ANKRD13D: variants seen among roughly 807,000 people sequenced by gnomAD.
ANKRD13D encodes the protein ankyrin repeat domain 13D.
In ANKRD13D, 24 loss-of-function variants were observed where a neutral mutation model predicts 68.8. The observed-to-expected ratio is 0.35, with a 90% CI of 0.25 to 0.49. The LOEUF (loss-of-function observed/expected upper bound fraction) is 0.49, where lower values mean the gene tolerates loss of function less well. ANKRD13D is among the 20% of genes least tolerant of loss of function. The pLI is 0.99. For synonymous variants in ANKRD13D, 331 were observed against 336.1 expected (o/e 0.98, Z 0.16); for missense variants, 735 against 832.1 (o/e 0.88, Z 1.44).
rs373538821 is a variant in ANKRD13D, at chr11:67,301,720, T to C, written c.1513-12T>C. On this transcript the variant is annotated splice_polypyrimidine_tract_variant and intron_variant, in intron 13 of 14. Coordinates refer to ENST00000511455, the MANE Select transcript of ANKRD13D (RefSeq NM_207354.3). The surrounding 1 kb of genome is among the most constrained non-coding windows in gnomAD (Gnocchi z 4.5). ...CGGCAGAAGTGACAGCTGTGGGCTC[T>C]GGTGGCTGCAGGTGACCGTCTGGGA... 13 of 1,611,428 alleles carry C rather than the reference T, an allele frequency of 8.1e-6. No homozygotes were observed. In the African/African-American group the frequency reaches 1.5e-4, roughly 18 times the overall value.
intron 6 of ANKRD13D, among the ~76,000 whole-genome samples, chr11:67,294,657 C>T (rs1317127618): frequency 1.3e-5 from 2 of 151,862 alleles, no homozygotes; most frequent in African/African-American, 4.8e-5. Context: ...TCTCCTGCCT[C>T]AGCCTCCCAA....
chr11:67,289,384 C>T lies in ANKRD13D; in HGVS notation c.-77C>T, dbSNP rs2136515317. On this transcript the variant is annotated 5_prime_UTR_variant, in exon 1 of 15. Transcript: ENST00000511455. Reference sequence around the variant, plus strand: ...GGCCGCGGGGGGCGCAGCTGGGGCGCGGCTCGGAGGGGAGGCTAGGGGGCC... The same window carrying T: ...GGCCGCGGGGGGCGCAGCTGGGGCGTGGCTCGGAGGGGAGGCTAGGGGGCC... The T allele has an allele frequency of 9.1e-7, 1 of 1,093,186 alleles. No homozygotes were observed. Among genetic ancestry groups the T allele is most frequent in the Non-Finnish European group, 1.1e-6 (1 of 872,028 alleles). The allele number at this position is 1,093,186 out of a possible 1,614,324, so 67.7% of individuals were successfully genotyped here. A position where few individuals can be genotyped will look rare whatever the true frequency, so the allele number is the denominator to read the frequency against.
intron 6 of ANKRD13D, 126 bp downstream of exon 6, chr11:67,292,306 CAG>C: frequency 1.7e-6 from 2 of 1,149,340 alleles, no homozygotes; most frequent in Non-Finnish European, 2.3e-6. Context: ...AGGGGCTGCT[CAG>C]GGGCAGGTGG....
chr11:67,296,425 T>C (rs1378845519), intron 6 of ANKRD13D, among the ~76,000 whole-genome samples: 2 of 152,114 alleles, frequency 1.3e-5, no homozygotes, highest in Non-Finnish European at 2.9e-5. Flanking sequence ...TTGTTATCCA[T>C]CTATTCAGAT....
chr11:67,300,654 G>GACC lies in ANKRD13D; in HGVS notation c.1074-335_1074-334insCCA. ...TGGACATAAAAGTTTGGCAACACGT[G>GACC]AGCTGGTGACCAGCTCTGGGCTGAG... On this transcript the variant is annotated intron_variant, in intron 10 of 14. Transcript: ENST00000511455. The surrounding 1 kb of genome is among the most constrained non-coding windows in gnomAD (Gnocchi z 4.3). 2.1e-6 allele frequency: 1 copy of GACC among 466,386 alleles called. No individual in the cohort carries two copies. The highest frequency in any genetic ancestry group is 3.8e-6 in the Non-Finnish European group (1 of 265,340). The allele number at this position is 466,386 out of a possible 1,614,324, so 28.9% of individuals were successfully genotyped here. A position where few individuals can be genotyped will look rare whatever the true frequency, so the allele number is the denominator to read the frequency against.
intron 1 of ANKRD13D, 71 bp downstream of exon 1, chr11:67,289,621 G>GCACCCCCCCCCC: frequency 1.2e-6 from 1 of 807,414 alleles, no homozygotes; most frequent in South Asian, 2.0e-5. Flanking sequence ...CCGTCCTGGA[G>GCACCCCCCCCCC]CCCCCCCCCC....
rs746722680 is a variant in ANKRD13D at position 67,300,128 on chromosome 11, G to A, written c.1073+5G>A. The A allele has an allele frequency of 2.5e-6, 4 of 1,613,810 alleles. No individual in the cohort carries two copies. In the South Asian group the frequency reaches 3.3e-5, roughly 13 times the overall value. On this transcript the variant is annotated splice_donor_5th_base_variant and intron_variant, in intron 10 of 14. Transcript: ENST00000511455. The surrounding 1 kb of genome is among the most constrained non-coding windows in gnomAD (Gnocchi z 4.3). ...GATGTCCAGCAAAGTACAGAGGTGA[G>A]GTCTGAGAGCTGGCTGGGGACTTGC...
At position 67,289,514 on chromosome 11, in the gene ANKRD13D, G is replaced by T. The variant is rs1860438507; in HGVS notation, c.54G>T (p.Arg18=). Reference sequence around the variant, plus strand: ...TGCACCGGCTCGTCTGGGCGAACCGGCATCGCGAACTGGAGGCCGCACTGC... The same window carrying T: ...TGCACCGGCTCGTCTGGGCGAACCGTCATCGCGAACTGGAGGCCGCACTGC... ...FPLHRLVWAN[R]HRELEAALHS... The change falls in exon 1 of 15, where the codon CGG becomes CGT. Residue 18 remains arginine, a synonymous_variant. Transcript: ENST00000511455. 1.3e-6 allele frequency: 2 copies of T among 1,522,040 alleles called. No individual in the cohort carries two copies. The highest frequency in any genetic ancestry group is 1.2e-5 in the South Asian group (1 of 83,148). The allele number at this position is 1,522,040 out of a possible 1,614,324, so 94.3% of individuals were successfully genotyped here.
chr11:67,291,782 C>G lies in ANKRD13D; in HGVS notation c.541+36C>G. ...GACAAACTCATTGCAGCTCCTCGGC[C>G]CTTGGGTTTCCTGCGGCTTGGGAGG... On this transcript the variant is annotated intron_variant, in intron 5 of 14. Coordinates refer to ENST00000511455, the MANE Select transcript of ANKRD13D (RefSeq NM_207354.3). 4 of 1,605,494 alleles carry G rather than the reference C, an allele frequency of 2.5e-6. 1 individual carries two copies. Among genetic ancestry groups the G allele is most frequent in the Non-Finnish European group, 3.4e-6 (4 of 1,175,252 alleles).
chr11:67,290,422 G>A lies in ANKRD13D; in HGVS notation c.327G>A (p.Pro109=), dbSNP rs746618627. 6.3e-6 allele frequency: 10 copies of A among 1,588,318 alleles called. No homozygotes were observed. The East Asian group carries it at 6.8e-5, about 11-fold the overall frequency. The part of the protein sequence containing the change: ...QRATQRLAGI[P]ELLNKLRQAP... ...CCACGCAGAGGCTGGCGGGCATTCC[G>A]GAACTGCTCAACAAACTTCGCCAGG... The change falls in exon 3 of 15, where the codon CCG becomes CCA. Residue 109 remains proline, a synonymous_variant. Coordinates refer to ENST00000511455, the MANE Select transcript of ANKRD13D (RefSeq NM_207354.3).
In ANKRD13D at chr11:67,290,349, A is replaced by G. The variant is rs1860481962; in HGVS notation, c.254A>G (p.Asp85Gly). 1 of 1,564,630 alleles carries G rather than the reference A, an allele frequency of 6.4e-7. No homozygotes were observed. Among genetic ancestry groups the G allele is most frequent in the Non-Finnish European group, 8.7e-7 (1 of 1,154,926 alleles). ...CTGCAGGAGGCAGTCAGCACTGGAG[A>G]CCCCGAGATGGTGCAGCTGGTGCTC... is the stretch of plus-strand genomic sequence containing the variant. ...AVLQEAVSTG[D>G]PEMVQLVLQY... The change falls in exon 3 of 15, where the codon GAC becomes GGC. Residue 85 changes from aspartate to glycine, a missense_variant. Transcript: ENST00000511455.
At chr11:67,290,633 G>A in intron 3 of ANKRD13D, 187 bp downstream of exon 3, 2 of 901,460 alleles carry the variant, frequency 2.2e-6, no homozygotes, top group Non-Finnish European at 1.6e-6. Context: ...GGCTCACGTG[G>A]GAGAGACTGG....
chr11:67,299,096 T>C lies in ANKRD13D; in HGVS notation c.770T>C (p.Met257Thr). 6.2e-7 allele frequency: 1 copy of C among 1,605,286 alleles called. No individual in the cohort carries two copies. Among genetic ancestry groups the C allele is most frequent in the Non-Finnish European group, 8.5e-7 (1 of 1,178,404 alleles). The change falls in exon 7 of 15, where the codon ATG (methionine) becomes ACG (threonine). Residue 257 changes from methionine to threonine, a missense_variant. Coordinates refer to ENST00000511455, the MANE Select transcript of ANKRD13D (RefSeq NM_207354.3). This position sits in a 1 kb window ranked among gnomAD's most constrained non-coding sequence, Gnocchi z 6.2. ...CGIWGWRSEK[M>T]ETVSGYEAKV... The stretch of plus-strand genomic sequence containing the variant: ...ATCTGGGGCTGGCGGTCTGAGAAGA[T>C]GGAAACTGTTAGCGGCTACGAGGCC...
chr11:67,293,951 T>G (rs1860672248), intron 6 of ANKRD13D, among the ~76,000 whole-genome samples: 1 of 152,262 alleles, frequency 6.6e-6, no homozygotes, highest in African/African-American at 2.4e-5. Context: ...CTTTTGCATG[T>G]GACTATCCAG....
intron 6 of ANKRD13D, among the ~76,000 whole-genome samples, chr11:67,293,964 G>C (rs1021497088): frequency 8.5e-5 from 13 of 152,202 alleles, no homozygotes; most frequent in Admixed American, 2.6e-4. Context: ...CTATCCAGTT[G>C]TCCTAGCCCC....
chr11:67,290,240 C>T (rs1383954305), intron 2 of ANKRD13D, 27 bp downstream of exon 2: 11 of 1,543,386 alleles, frequency 7.1e-6, no homozygotes, highest in Non-Finnish European at 7.9e-6. Flanking sequence ...GGGGCTCCCC[C>T]TGAGGCTGGC....
intron 6 of ANKRD13D, among the ~76,000 whole-genome samples, chr11:67,292,806 C>G (rs1157145233): frequency 1.3e-5 from 2 of 152,128 alleles, no homozygotes; most frequent in African/African-American, 4.8e-5. Flanking sequence ...GCTAACTCTT[C>G]GCCAAACTTC....
rs981967443 is a variant in ANKRD13D at position 67,291,642 on chromosome 11, G to A, written c.437G>A (p.Arg146His). Reference protein sequence around the residue: ...VSKMCPSDVYRVWKRGESLRV... With the variant: ...VSKMCPSDVYHVWKRGESLRV... ...AAGATGTGCCCAAGCGATGTGTACC[G>A]CGTGTGGAAGCGGGGTGAGAGCCTG... is the stretch of plus-strand genomic sequence containing the variant. The change falls in exon 5 of 15, where the codon CGC (arginine) becomes CAC (histidine). Residue 146 changes from arginine (R) to histidine (H), a missense_variant. Physicochemically the swap from Arg to His is conservative, Grantham distance 29. Coordinates refer to ENST00000511455, the MANE Select transcript of ANKRD13D (RefSeq NM_207354.3). The A allele has an allele frequency of 2.1e-5, 34 of 1,613,970 alleles. No individual in the cohort carries two copies. The highest frequency in any genetic ancestry group is 3.3e-5 in the South Asian group (3 of 91,094).
In ANKRD13D at chr11:67,300,804, G is replaced by A; in HGVS notation, c.1074-186G>A. On this transcript the variant is annotated intron_variant, in intron 10 of 14. Coordinates refer to ENST00000511455, the MANE Select transcript of ANKRD13D (RefSeq NM_207354.3). This position sits in a 1 kb window ranked among gnomAD's most constrained non-coding sequence, Gnocchi z 4.3. ...GCCCCAGCCTGGGCCCAGGGAGGAG[G>A]GCAGCTTGGGCCACGTGGCCAGGAC... is the stretch of plus-strand genomic sequence containing the variant. 1.5e-6 allele frequency: 1 copy of A among 677,672 alleles called. No homozygotes were observed. Among genetic ancestry groups the A allele is most frequent in the Non-Finnish European group, 2.4e-6 (1 of 410,078 alleles). 42.0% of individuals were successfully genotyped at this position (677,672 alleles called of 1,614,324 possible).
Sources: allele counts gnomAD v4.1 joint callset (sites outside exome capture counted in the v4.1 genomes callset), GRCh38; gene constraint gnomAD v4.1.1; non-coding constraint Gnocchi (gnomAD v3.1); transcripts MANE v1.5; gene names NCBI Gene and HGNC (gene_info 2026-07-23, HGNC 2026-07-21).